The following CTIF variants were observed in gnomAD, a reference collection of about 807,000 sequenced individuals.
CTIF encodes the protein CBP80/20-dependent translation initiation factor.
In CTIF, 21 loss-of-function variants were observed where a neutral mutation model predicts 66.0. The observed-to-expected ratio is 0.32, with a 90% CI of 0.23 to 0.46. The LOEUF (loss-of-function observed/expected upper bound fraction) is 0.46. CTIF is among the 20% of genes least tolerant of loss of function. CTIF has a pLI of 1.00. For synonymous variants in CTIF, 345 were observed against 326.4 expected (o/e 1.06, Z -0.62); for missense variants, 739 against 812.7 (o/e 0.91, Z 1.10).
rs563727744 is a variant in CTIF at position 48,667,102 on chromosome 18, C to A, written c.431+2551C>A. On this transcript the variant is annotated intron_variant, in intron 5 of 11. Transcript: ENST00000256413. Reference sequence around the variant, plus strand: ...AAGTAGACACACACACACACACACACACACACACACACACGAGTATACAAT... The same window carrying A: ...AAGTAGACACACACACACACACACAAACACACACACACACGAGTATACAAT... 3.3e-5 allele frequency among the ~76,000 whole-genome samples: 5 copies of A among 152,052 alleles called. No individual in the cohort carries two copies. In the South Asian group the frequency reaches 1.0e-3, roughly 32 times the overall value.
chr18:48,626,522 T>C (rs962139564), intron 2 of CTIF, among the ~76,000 whole-genome samples: 17 of 151,788 alleles, frequency 1.1e-4, no homozygotes, highest in African/African-American at 4.1e-4. Context: ...TAATTTTTTG[T>C]ATTTTTAGTA....
At chr18:48,706,770 G>A (rs2092160684) in intron 6 of CTIF, among the ~76,000 whole-genome samples, 1 of 152,212 alleles carries the variant, frequency 6.6e-6, no homozygotes, top group Admixed American at 6.5e-5. Context: ...CCTCAGGACA[G>A]GAGTGTATGT....
chr18:48,600,133 T>A (rs367988095), intron 1 of CTIF, among the ~76,000 whole-genome samples: 2 of 151,994 alleles, frequency 1.3e-5, no homozygotes, highest in South Asian at 2.1e-4. Context: ...CAAACCTGAG[T>A]GTGTGCAGAG....
At chr18:48,575,307 G>C (rs928581795) in intron 1 of CTIF, among the ~76,000 whole-genome samples, 1 of 152,178 alleles carries the variant, frequency 6.6e-6, no homozygotes, top group African/African-American at 2.4e-5. Context: ...GCTGTTCTAT[G>C]GCAACACGGC....
chr18:48,613,164 A>G (rs764944664), intron 1 of CTIF, among the ~76,000 whole-genome samples: 1 of 152,102 alleles, frequency 6.6e-6, no homozygotes, highest in Non-Finnish European at 1.5e-5. Flanking sequence ...CTAAATTGAT[A>G]GCTCCTCATG....
intron 7 of CTIF, among the ~76,000 whole-genome samples, chr18:48,752,796 G>A (rs902996671): frequency 2.0e-5 from 3 of 152,210 alleles, no homozygotes; most frequent in Non-Finnish European, 2.9e-5. Context: ...CGCGCACCAT[G>A]GGTGCTCCGT....
At chr18:48,694,856 A>G (rs958654107) in intron 6 of CTIF, among the ~76,000 whole-genome samples, 9 of 152,260 alleles carry the variant, frequency 5.9e-5, no homozygotes, top group African/African-American at 1.9e-4. Context: ...AACAGGACTT[A>G]CAATTTCCTA....
chr18:48,749,917 G>A (rs1004600338), intron 7 of CTIF, among the ~76,000 whole-genome samples: 4 of 152,300 alleles, frequency 2.6e-5, no homozygotes, highest in Admixed American at 1.3e-4. Context: ...CAGGCCGAGC[G>A]GAAGGGCGAG....
At chr18:48,770,433 A>G (rs527899224) in intron 9 of CTIF, among the ~76,000 whole-genome samples, 8 of 152,390 alleles carry the variant, frequency 5.2e-5, no homozygotes, top group African/African-American at 1.7e-4. Flanking sequence ...TACAAGTCTC[A>G]TGGGCAGTCT....
intron 1 of CTIF, among the ~76,000 whole-genome samples, chr18:48,613,452 TG>T (rs1406987386): frequency 6.6e-6 from 1 of 151,648 alleles, no homozygotes; most frequent in Non-Finnish European, 1.5e-5. Flanking sequence ...CAGCAAGGGA[TG>T]GGGAGGAAGG....
intron 7 of CTIF, among the ~76,000 whole-genome samples, chr18:48,729,167 C>T (rs2092414155): frequency 6.6e-6 from 1 of 152,156 alleles, no homozygotes; most frequent in Non-Finnish European, 1.5e-5. Context: ...AGATTTGAAG[C>T]CAGGGGATGC....
intron 1 of CTIF, among the ~76,000 whole-genome samples, chr18:48,578,368 G>A (rs567450860): frequency 3.9e-4 from 59 of 152,294 alleles, no homozygotes; most frequent in African/African-American, 1.4e-3. Flanking sequence ...GGGTGGTATA[G>A]TGACTCTATA....
chr18:48,569,591 A>G (rs2143623669), intron 1 of CTIF, among the ~76,000 whole-genome samples: 1 of 152,354 alleles, frequency 6.6e-6, no homozygotes, highest in Non-Finnish European at 1.5e-5. Flanking sequence ...AAGTGATTTG[A>G]TTTAATACCA....
intron 9 of CTIF, among the ~76,000 whole-genome samples, chr18:48,768,512 T>C (rs1384000765): frequency 6.6e-6 from 1 of 152,086 alleles, no homozygotes; most frequent in Non-Finnish European, 1.5e-5. Flanking sequence ...AGTGGCTCAG[T>C]GAGGCTGCAA....
chr18:48,586,457 G>C (rs2089771209), intron 1 of CTIF, among the ~76,000 whole-genome samples: 1 of 151,778 alleles, frequency 6.6e-6, no homozygotes, highest in Admixed American at 6.6e-5. Flanking sequence ...CTTTAGTAGA[G>C]ACAGGATTTC....
intron 3 of CTIF, among the ~76,000 whole-genome samples, chr18:48,658,319 ATGTG>A (rs1274938278): frequency 6.6e-6 from 1 of 151,674 alleles, no homozygotes; most frequent in Non-Finnish European, 1.5e-5. Context: ...ATGTGCCTGT[ATGTG>A]TGGTGTATAT....
chr18:48,824,185 T>G (rs1054969845), intron 10 of CTIF, among the ~76,000 whole-genome samples: 1 of 152,108 alleles, frequency 6.6e-6, no homozygotes, highest in African/African-American at 2.4e-5. Context: ...GTAAAAAACT[T>G]GTACACTGAA....
At chr18:48,736,094 C>T (rs1209155488) in intron 7 of CTIF, among the ~76,000 whole-genome samples, 3 of 152,150 alleles carry the variant, frequency 2.0e-5, no homozygotes, top group Non-Finnish European at 4.4e-5. Flanking sequence ...ATTACCAAGC[C>T]GCCTCTGGGT....
At chr18:48,632,456 C>T (rs1457134189) in intron 2 of CTIF, among the ~76,000 whole-genome samples, 2 of 152,162 alleles carry the variant, frequency 1.3e-5, no homozygotes, top group Admixed American at 1.3e-4. Context: ...ACCCGCTTTG[C>T]CTGCTGCTCA....
Sources: gnomAD v4.1 joint callset for allele counts (sites outside exome capture counted in the v4.1 genomes callset) on GRCh38, gnomAD v4.1.1 for gene constraint, MANE v1.5 for transcripts, NCBI Gene and HGNC (gene_info 2026-07-23, HGNC 2026-07-21) for gene names.